SNX19: variants seen among roughly 807,000 people sequenced by gnomAD.
SNX19 encodes the protein sorting nexin-19.
SNX19 carries 60 observed loss-of-function variants against 85.2 expected under a neutral mutation model. The observed-to-expected ratio is 0.70, with a 90% CI of 0.57 to 0.87. The LOEUF (loss-of-function observed/expected upper bound fraction) is 0.87. Ranked by LOEUF, SNX19 falls within the 40% of genes least tolerant of loss-of-function variation. SNX19 has a pLI of 0.00. For missense variants in SNX19, 1,201 were observed against 1,217.8 expected (o/e 0.99, Z 0.21); for synonymous variants, 520 against 470.0 (o/e 1.11, Z -1.38).
At chr11:130,888,569 A>G (rs1486205157) in intron 8 of SNX19, among the ~76,000 whole-genome samples, 2 of 152,156 alleles carry the variant, frequency 1.3e-5, no homozygotes, top group African/African-American at 4.8e-5. Context: ...TGAACCCATA[A>G]TGGTTTCTAG....
intron 8 of SNX19, among the ~76,000 whole-genome samples, chr11:130,885,049 G>C (rs1209452588): frequency 3.3e-5 from 5 of 152,092 alleles, no homozygotes; most frequent in Non-Finnish European, 7.4e-5. Flanking sequence ...ATTTGATTTA[G>C]AGATATCTCT....
intron 5 of SNX19, among the ~76,000 whole-genome samples, chr11:130,907,400 G>C (rs1013097872): frequency 1.3e-5 from 2 of 152,096 alleles, no homozygotes; most frequent in African/African-American, 4.8e-5. Context: ...TTCCAGTAAG[G>C]GTACATGTGG....
At chr11:130,907,441 T>C (rs553714098) in intron 5 of SNX19, among the ~76,000 whole-genome samples, 30 of 151,896 alleles carry the variant, frequency 2.0e-4, no homozygotes, top group Middle Eastern at 6.8e-3. Context: ...TGGCTTTGAA[T>C]GCTGCCAGGG....
rs1942923946 is a variant in SNX19 at position 130,869,475 on chromosome 11, T to C, written c.*8947A>G. On this transcript the variant is annotated 3_prime_UTR_variant, in exon 11 of 11. Transcript: ENST00000265909. ...TTCGAGGATAAACTTGTAGAGGGAT[T>C]TGGGGAGAGGAAGCTTTATTGGGAT... 2 of 152,162 alleles carry C rather than the reference T, an allele frequency of 1.3e-5. No individual in the cohort carries two copies. Among genetic ancestry groups the C allele is most frequent in the South Asian group, 2.1e-4 (1 of 4,832 alleles). The allele number at this position is 152,162 out of a possible 1,614,324, so 9.4% of individuals were successfully genotyped here.
At chr11:130,885,008 T>C (rs898356840) in intron 8 of SNX19, among the ~76,000 whole-genome samples, 2 of 152,094 alleles carry the variant, frequency 1.3e-5, no homozygotes, top group Non-Finnish European at 2.9e-5. Context: ...ATAGCACTGG[T>C]TTTATTTTCC....
chr11:130,880,072 T>C (rs1473511194), intron 9 of SNX19, among the ~76,000 whole-genome samples: 1 of 152,194 alleles, frequency 6.6e-6, no homozygotes, highest in African/African-American at 2.4e-5. Context: ...ATCACAGCCA[T>C]AGGCAACAAA....
rs1409039248 is a variant in SNX19 at position 130,870,762 on chromosome 11, TTTAA to T, written c.*7656_*7659del. Among the ~76,000 whole-genome samples the T allele has an allele frequency of 6.6e-6, 1 of 151,504 alleles. No homozygotes were observed. On this transcript the variant is annotated 3_prime_UTR_variant, in exon 11 of 11. Coordinates refer to ENST00000265909, the MANE Select transcript of SNX19 (RefSeq NM_014758.3). ...TTTTGCCTCTTAAATAAACATAATC[TTTAA>T]TTAAGTAAACTTTAATATTTATTTT... is the stretch of plus-strand genomic sequence containing the variant.
intron 8 of SNX19, among the ~76,000 whole-genome samples, chr11:130,885,849 C>T (rs1432343201): frequency 1.3e-5 from 2 of 152,178 alleles, no homozygotes; most frequent in Admixed American, 1.3e-4. Flanking sequence ...CCTAAGTACA[C>T]CTTCAGTAAA....
Position 130,908,021 on chromosome 11 carries a change from G to A in SNX19, c.2097C>T (p.Ser699=). 1 of 1,614,146 alleles carries A rather than the reference G, an allele frequency of 6.2e-7. No individual in the cohort carries two copies. The highest frequency in any genetic ancestry group is 1.3e-5 in the African/African-American group (1 of 75,042). ...KTAFPRSEPQ[S]PTEELSEAET... Reference sequence around the variant, plus strand: ...CGGCCTCACTCAGCTCCTCTGTGGGGCTCTGGGGTTCAGAGCGAGGAAACG... The same window carrying A: ...CGGCCTCACTCAGCTCCTCTGTGGGACTCTGGGGTTCAGAGCGAGGAAACG... The change falls in exon 5 of 11, where the codon AGC becomes AGT. Residue 699 remains serine (S), a synonymous_variant. Transcript: ENST00000265909.
intron 8 of SNX19, among the ~76,000 whole-genome samples, chr11:130,886,133 C>A (rs982431714): frequency 2.6e-5 from 4 of 152,174 alleles, no homozygotes; most frequent in Admixed American, 6.5e-5. Flanking sequence ...TTGTATCAGG[C>A]TACTTTCACA....
At chr11:130,905,525 A>G in intron 7 of SNX19, 1 of 633,796 alleles carries the variant, frequency 1.6e-6, no homozygotes, top group South Asian at 2.0e-5. Flanking sequence ...ACAGCGAGCC[A>G]AAAATCAAGC....
intron 8 of SNX19, among the ~76,000 whole-genome samples, chr11:130,890,527 CTGAA>C (rs778030514): frequency 3.9e-5 from 6 of 152,222 alleles, no homozygotes; most frequent in Non-Finnish European, 7.3e-5. Flanking sequence ...TCACAGGAGT[CTGAA>C]TGAGCAGACT....
At chr11:130,912,076 T>C (rs1946171915) in intron 1 of SNX19, among the ~76,000 whole-genome samples, 1 of 152,154 alleles carries the variant, frequency 6.6e-6, no homozygotes, top group South Asian at 2.1e-4. Flanking sequence ...AGGCATAACA[T>C]CCATAAAAAT....
At position 130,903,751 on chromosome 11, in the gene SNX19, G is replaced by A. The variant is rs112722811; in HGVS notation, c.2444-367C>T. Among the ~76,000 whole-genome samples the A allele has an allele frequency of 1.3e-3, 133 of 101,596 alleles. 1 individual carries two copies. The South Asian group carries it at 0.029, about 22-fold the overall frequency. 66.7% of individuals were successfully genotyped at this position (101,596 alleles called of 152,430 possible). On this transcript the variant is annotated intron_variant, in intron 7 of 10. Coordinates refer to ENST00000265909, the MANE Select transcript of SNX19 (RefSeq NM_014758.3). ...CACACACACACACACACACACACAC[G>A]CACTTATTTTGCCTACTTAGTTTCT...
chr11:130,895,327 C>T (rs901521864), intron 8 of SNX19, among the ~76,000 whole-genome samples: 2 of 152,138 alleles, frequency 1.3e-5, no homozygotes, highest in African/African-American at 2.4e-5. Flanking sequence ...GCTTCTGGTC[C>T]CCCAGCACTG....
At chr11:130,911,514 G>C in intron 2 of SNX19, 119 bp downstream of exon 2, 1 of 1,530,940 alleles carries the variant, frequency 6.5e-7, no homozygotes, top group Non-Finnish European at 8.8e-7. Context: ...GCAAATCCAG[G>C]GAGCAGAGAA....
intron 8 of SNX19, among the ~76,000 whole-genome samples, chr11:130,895,834 T>C (rs643793): frequency 0.056 from 8,540 of 152,238 alleles, 338 homozygotes; most frequent in Non-Finnish European, 0.086. Flanking sequence ...AAAGCCATGA[T>C]GTCTTCATCC....
rs1372686581 is a variant in SNX19, at chr11:130,870,214, C to T, written c.*8208G>A. The T allele has an allele frequency of 3.3e-5, 5 of 152,216 alleles. No homozygotes were observed. The highest frequency in any genetic ancestry group is 7.3e-5 in the Non-Finnish European group (5 of 68,032). 9.4% of individuals were successfully genotyped at this position (152,216 alleles called of 1,614,324 possible). On this transcript the variant is annotated 3_prime_UTR_variant, in exon 11 of 11. Coordinates refer to ENST00000265909, the MANE Select transcript of SNX19 (RefSeq NM_014758.3). Reference sequence around the variant, plus strand: ...CGTGGAGCTTGCTTGTGTTTCAATACAAGCTCTTGCCTCAGTCCTCTCCAG... The same window carrying T: ...CGTGGAGCTTGCTTGTGTTTCAATATAAGCTCTTGCCTCAGTCCTCTCCAG...
chr11:130,900,654 C>G (rs1033925045), intron 8 of SNX19, among the ~76,000 whole-genome samples: 1 of 152,146 alleles, frequency 6.6e-6, no homozygotes, highest in African/African-American at 2.4e-5. Flanking sequence ...TTTCTCCTAA[C>G]TCATCTATAC....
Sources: gnomAD v4.1 joint callset for allele counts (sites outside exome capture counted in the v4.1 genomes callset) on GRCh38, gnomAD v4.1.1 for gene constraint, MANE v1.5 for transcripts, NCBI Gene and HGNC (gene_info 2026-07-23, HGNC 2026-07-21) for gene names.